The following FBXL5 variants were observed in gnomAD, a reference collection of about 807,000 sequenced individuals.
The protein encoded by FBXL5 is F-box/LRR-repeat protein 5.
Under a neutral mutation model 78.3 loss-of-function variants are expected in FBXL5, and 26 were observed. The observed-to-expected ratio is 0.33, with a 90% CI of 0.24 to 0.46. The LOEUF (loss-of-function observed/expected upper bound fraction) is 0.46, where lower values mean the gene tolerates loss of function less well. Ranked by LOEUF, FBXL5 falls within the 20% of genes least tolerant of loss-of-function variation. The probability of loss-of-function intolerance (pLI) is 1.00; values close to 1 mark genes in which losing one functional copy is unlikely to be tolerated. For missense variants in FBXL5, 710 were observed against 829.2 expected (o/e 0.86, Z 1.77); for synonymous variants, 295 against 282.5 (o/e 1.04, Z -0.45).
At chr4:15,623,978 G>A (rs1199569676) in intron 9 of FBXL5, among the ~76,000 whole-genome samples, 9 of 151,662 alleles carry the variant, frequency 5.9e-5, no homozygotes, top group East Asian at 1.9e-4. Flanking sequence ...GCCCGCCACC[G>A]TGCCCGGCTA....
upstream of FBXL5, among the ~76,000 whole-genome samples, chr4:15,655,926 C>T (rs999766000): frequency 7.9e-5 from 12 of 152,366 alleles, no homozygotes; most frequent in African/African-American, 2.6e-4. Flanking sequence ...GCTGCGGGCT[C>T]TGAGAGCTTC....
chr4:15,612,815 A>G (rs1327985219), intron 9 of FBXL5, among the ~76,000 whole-genome samples: 1 of 152,148 alleles, frequency 6.6e-6, no homozygotes, highest in Non-Finnish European at 1.5e-5. Context: ...AAAATTATAG[A>G]TACACCTAGC....
At chr4:15,646,003 G>A (rs1393674974) in intron 1 of FBXL5, among the ~76,000 whole-genome samples, 1 of 152,062 alleles carries the variant, frequency 6.6e-6, no homozygotes, top group Admixed American at 6.6e-5. Context: ...AGGTAAATAA[G>A]ACAATGAACA....
In FBXL5 at chr4:15,650,726, C is replaced by T. The variant is rs150615154; in HGVS notation, c.84+4478G>A. ...TCTGTCGCCCAGGCTGGAGTGCAAT[C>T]GCCAATTCCAGCAATTCTGCCTTAG... is the stretch of plus-strand genomic sequence containing the variant. On this transcript the variant is annotated intron_variant, in intron 1 of 10. Coordinates refer to ENST00000341285, the MANE Select transcript of FBXL5 (RefSeq NM_012161.4). 8.1e-4 allele frequency among the ~76,000 whole-genome samples: 110 copies of T among 136,540 alleles called. 1 individual carries two copies. The highest frequency in any genetic ancestry group is 2.8e-3 in the African/African-American group (99 of 35,760). The allele number at this position is 136,540 out of a possible 152,430, so 89.6% of individuals were successfully genotyped here.
In FBXL5 at chr4:15,623,182, C is replaced by T. The variant is rs73798618; in HGVS notation, c.1850+2070G>A. On this transcript the variant is annotated intron_variant, in intron 9 of 10. Transcript: ENST00000341285. ...CAATTCTGCTTTTAAATAAAGTGTG[C>T]TCCCTTCTAGTGTTTTCCAAAACCT... Among the ~76,000 whole-genome samples, 511 of 152,148 alleles carry T rather than the reference C, an allele frequency of 3.4e-3. 7 individuals are homozygous for T. The highest frequency in any genetic ancestry group is 0.012 in the African/African-American group (491 of 41,488).
At chr4:15,607,068 A>G (rs1421121287) in intron 10 of FBXL5, among the ~76,000 whole-genome samples, 1 of 152,198 alleles carries the variant, frequency 6.6e-6, no homozygotes, top group Non-Finnish European at 1.5e-5. Flanking sequence ...TTAGGAAAGA[A>G]ACTAATAAAC....
chr4:15,629,714 T>C lies in FBXL5; in HGVS notation c.892+952A>G, dbSNP rs1713430244. 2.0e-5 allele frequency among the ~76,000 whole-genome samples: 3 copies of C among 152,238 alleles called. No homozygotes were observed. In the South Asian group the frequency reaches 6.2e-4, roughly 32 times the overall value. On this transcript the variant is annotated intron_variant, in intron 6 of 10. Coordinates refer to ENST00000341285, the MANE Select transcript of FBXL5 (RefSeq NM_012161.4). ...TTTTCCTTATATAGGACATTTTGAA[T>C]CTTTACATCAAAATGTGGCACATCT... is the stretch of plus-strand genomic sequence containing the variant.
intron 9 of FBXL5, among the ~76,000 whole-genome samples, chr4:15,619,947 T>C (rs1275309699): frequency 6.6e-6 from 1 of 152,134 alleles, no homozygotes; most frequent in Non-Finnish European, 1.5e-5. Context: ...CACATGCCAA[T>C]AGTCCCAGCT....
intron 1 of FBXL5, among the ~76,000 whole-genome samples, chr4:15,648,772 G>A (rs1245496732): frequency 6.6e-6 from 1 of 152,126 alleles, no homozygotes; most frequent in African/African-American, 2.4e-5. Flanking sequence ...AGATGAGTAC[G>A]TTCTGGGGAT....
At chr4:15,662,566 G>A (rs1050651553), upstream of FBXL5, among the ~76,000 whole-genome samples, 15 of 152,124 alleles carry the variant, frequency 9.9e-5, no homozygotes, top group Non-Finnish European at 1.8e-4. Context: ...CCTTGAAAAG[G>A]TCAAGCTTAG....
intron 10 of FBXL5, among the ~76,000 whole-genome samples, chr4:15,606,620 T>C (rs1326707777): frequency 1.3e-5 from 2 of 152,232 alleles, no homozygotes; most frequent in African/African-American, 4.8e-5. Flanking sequence ...GTGGAAAAGA[T>C]TGTTTCAACT....
At chr4:15,681,180 T>C (rs1281795954) in intron 1 of FBXL5, 1 of 152,146 alleles carries the variant, frequency 6.6e-6, no homozygotes, top group Non-Finnish European at 1.5e-5. Flanking sequence ...AGGAATACTA[T>C]GATTATTAAA....
chr4:15,649,164 C>CA (rs1181709049), intron 1 of FBXL5, among the ~76,000 whole-genome samples: 47 of 137,012 alleles, frequency 3.4e-4, no homozygotes, highest in Admixed American at 1.5e-3. Context: ...AAAACAAAGC[C>CA]AAAAAAAAAA....
chr4:15,631,447 T>G (rs550788635), intron 5 of FBXL5, among the ~76,000 whole-genome samples: 1 of 152,244 alleles, frequency 6.6e-6, no homozygotes, highest in Non-Finnish European at 1.5e-5. Flanking sequence ...ATGGGATGGC[T>G]GGGTCAAATG....
upstream of FBXL5, among the ~76,000 whole-genome samples, chr4:15,660,910 C>G (rs1717276330): frequency 6.6e-6 from 1 of 152,000 alleles, no homozygotes; most frequent in Admixed American, 6.6e-5. Context: ...AACTCCATCT[C>G]TACTAAAAAT....
chr4:15,610,061 C>T (rs546263486), intron 10 of FBXL5, among the ~76,000 whole-genome samples: 13 of 152,144 alleles, frequency 8.5e-5, no homozygotes, highest in African/African-American at 2.6e-4. Context: ...ATACACTTCT[C>T]CATTGCTCTA....
intron 8 of FBXL5, among the ~76,000 whole-genome samples, chr4:15,626,550 G>C (rs368903020): frequency 7.9e-5 from 12 of 152,310 alleles, no homozygotes; most frequent in Middle Eastern, 3.4e-3. Flanking sequence ...CTAAGAGGGA[G>C]CTTTGCCAAA....
intron 9 of FBXL5, among the ~76,000 whole-genome samples, chr4:15,622,599 CTA>C (rs1398582490): frequency 1.3e-5 from 2 of 152,216 alleles, no homozygotes; most frequent in African/African-American, 4.8e-5. Context: ...CAGTCTGATA[CTA>C]TGTTTTCTGT....
upstream of FBXL5, among the ~76,000 whole-genome samples, chr4:15,660,763 C>G (rs1297477534): frequency 6.6e-6 from 1 of 152,188 alleles, no homozygotes; most frequent in East Asian, 1.9e-4. Context: ...AAATCTGTCA[C>G]CAGTCATCCA....
Sources: allele counts gnomAD v4.1 joint callset (sites outside exome capture counted in the v4.1 genomes callset), GRCh38; gene constraint gnomAD v4.1.1; transcripts MANE v1.5; gene names NCBI Gene and HGNC (gene_info 2026-07-23, HGNC 2026-07-21).